OR6C74: variants seen among roughly 807,000 people sequenced by gnomAD.
OR6C74 encodes olfactory receptor 6C74.
For missense variants in OR6C74, 361 were observed against 362.9 expected (o/e 0.99, Z 0.04); for synonymous variants, 142 against 134.2 (o/e 1.06, Z -0.40).
In OR6C74 at chr12:55,245,010, T is replaced by C. The variant is rs137859828; in HGVS notation, c.-10+193T>C. On this transcript the variant is annotated intron_variant, in intron 1 of 1. Coordinates refer to ENST00000343399, the MANE Select transcript of OR6C74 (RefSeq NM_001005490.2). ...GGGAATGAAATTGCTACTAAATACA[T>C]TAAAGTTTGGAAAAAATTATGTCTT... 5.3e-3 allele frequency among the ~76,000 whole-genome samples: 807 copies of C among 152,230 alleles called. 2 individuals are homozygous for C. The highest frequency in any genetic ancestry group is 0.027 in the Middle Eastern group (8 of 294).
rs1195015543 is a variant in OR6C74 at position 55,250,910 on chromosome 12, G to C, written c.*2684G>C. 6.6e-6 allele frequency among the ~76,000 whole-genome samples: 1 copy of C among 151,932 alleles called. No individual in the cohort carries two copies. Among genetic ancestry groups the C allele is most frequent in the Non-Finnish European group, 1.5e-5 (1 of 67,960 alleles). On this transcript the variant is annotated 3_prime_UTR_variant, in exon 2 of 2. Transcript: ENST00000343399. Reference sequence around the variant, plus strand: ...AAGTATTAAGACAAGCTAGACTCAAGGTATGTCAATTGTCTATTACATAGC... The same window carrying C: ...AAGTATTAAGACAAGCTAGACTCAACGTATGTCAATTGTCTATTACATAGC...
Position 55,253,780 on chromosome 12 carries a change from A to G in OR6C74, c.*5554A>G, listed in dbSNP as rs1362668744. ...TGAAGGACACTAGCGGAAGATTTGG[A>G]TATTAATATGCATGACAGTTTTGCA... is the stretch of plus-strand genomic sequence containing the variant. On this transcript the variant is annotated 3_prime_UTR_variant, in exon 2 of 2. Coordinates refer to ENST00000343399, the MANE Select transcript of OR6C74 (RefSeq NM_001005490.2). Among the ~76,000 whole-genome samples the G allele has an allele frequency of 7.9e-5, 12 of 152,112 alleles. No homozygotes were observed. The highest frequency in any genetic ancestry group is 7.2e-4 in the Admixed American group (11 of 15,266).
In OR6C74 at chr12:55,247,965, A is replaced by G; in HGVS notation, c.678A>G (p.Ile226Met). ...YTNIIRTILK[I>M]PSSQQRKKAF... Reference sequence around the variant, plus strand: ...ATATTATCAGGACTATTCTGAAAATACCTTCTTCTCAACAGAGAAAAAAAG... The same window carrying G: ...ATATTATCAGGACTATTCTGAAAATGCCTTCTTCTCAACAGAGAAAAAAAG... Residue 226 changes from isoleucine to methionine, a missense_variant, in exon 2 of 2, where the codon ATA (isoleucine) becomes ATG (methionine). Transcript: ENST00000343399. 7 of 1,613,954 alleles carry G rather than the reference A, an allele frequency of 4.3e-6. No individual in the cohort carries two copies. The highest frequency in any genetic ancestry group is 5.9e-6 in the Non-Finnish European group (7 of 1,179,844).
chr12:55,251,628 TGA>T lies in OR6C74; in HGVS notation c.*3403_*3404del, dbSNP rs201486515. 7.2e-3 allele frequency among the ~76,000 whole-genome samples: 1,087 copies of T among 151,548 alleles called. 15 individuals are homozygous for T. Among genetic ancestry groups the T allele is most frequent in the East Asian group, 0.037 (191 of 5,154 alleles). On this transcript the variant is annotated 3_prime_UTR_variant, in exon 2 of 2. Transcript: ENST00000343399. ...AGATTGGACTTGATGACAGGCAATA[TGA>T]AAAAAAAATTAGGTGTTAGAAAACT...
At chr12:55,247,093 C>T (rs971351038) in intron 1 of OR6C74, 186 bp from the exon 2 acceptor site, 3 of 472,652 alleles carry the variant, frequency 6.3e-6, no homozygotes, top group Admixed American at 3.8e-5. Flanking sequence ...ACAGAACAAA[C>T]TCAAAAAGTT....
At position 55,247,741 on chromosome 12, in the gene OR6C74, C is replaced by T. The variant is rs1423158956; in HGVS notation, c.454C>T (p.Leu152=). 1 of 1,613,960 alleles carries T rather than the reference C, an allele frequency of 6.2e-7. No homozygotes were observed. The highest frequency in any genetic ancestry group is 8.5e-7 in the Non-Finnish European group (1 of 1,179,990). ...LVFASWMAGF[L]IIFPPLLMGL... ...CTTTGCTTCATGGATGGCTGGCTTC[C>T]TAATAATTTTTCCGCCACTCCTGAT... The change falls in exon 2 of 2, where the codon CTA becomes TTA. Residue 152 remains leucine (L), a synonymous_variant. Transcript: ENST00000343399.
chr12:55,252,819 A>G lies in OR6C74; in HGVS notation c.*4593A>G, dbSNP rs1246813271. Among the ~76,000 whole-genome samples, 3 of 152,028 alleles carry G rather than the reference A, an allele frequency of 2.0e-5. No individual in the cohort carries two copies. The highest frequency in any genetic ancestry group is 6.6e-5 in the Admixed American group (1 of 15,246). Reference sequence around the variant, plus strand: ...AAATAAAATTCCATAATTCTCTTCAATGTGTCTTTTAAAATACTTTACATA... The same window carrying G: ...AAATAAAATTCCATAATTCTCTTCAGTGTGTCTTTTAAAATACTTTACATA... On this transcript the variant is annotated 3_prime_UTR_variant, in exon 2 of 2. Coordinates refer to ENST00000343399, the MANE Select transcript of OR6C74 (RefSeq NM_001005490.2).
At position 55,254,189 on chromosome 12, in the gene OR6C74, C is replaced by T. The variant is rs1954328060; in HGVS notation, c.*5963C>T. ...AGCATCTTCCATCTTCATTTCAAAC[C>T]AGTGGTTACAATACTTTTTAAAGCT... On this transcript the variant is annotated 3_prime_UTR_variant, in exon 2 of 2. Coordinates refer to ENST00000343399, the MANE Select transcript of OR6C74 (RefSeq NM_001005490.2). 6.6e-6 allele frequency among the ~76,000 whole-genome samples: 1 copy of T among 152,032 alleles called. No homozygotes were observed. Among genetic ancestry groups the T allele is most frequent in the South Asian group, 2.1e-4 (1 of 4,822 alleles).
In OR6C74 at chr12:55,248,724, A is replaced by G. The variant is rs1183135206; in HGVS notation, c.*498A>G. Among the ~76,000 whole-genome samples, 2 of 152,190 alleles carry G rather than the reference A, an allele frequency of 1.3e-5. No individual in the cohort carries two copies. Among genetic ancestry groups the G allele is most frequent in the Non-Finnish European group, 2.9e-5 (2 of 68,032 alleles). On this transcript the variant is annotated 3_prime_UTR_variant, in exon 2 of 2. Transcript: ENST00000343399. ...GGCATTTCTTTAATTACACAGTTTA[A>G]TAGCTTCAATTTTTTTTAACCAGGC...
chr12:55,249,142 T>A lies in OR6C74; in HGVS notation c.*916T>A, dbSNP rs114828738. ...GACCTTTGTAGAACATTCTATAGAT[T>A]TATGGATGTCATAGATAAAATTAAG... On this transcript the variant is annotated 3_prime_UTR_variant, in exon 2 of 2. Coordinates refer to ENST00000343399, the MANE Select transcript of OR6C74 (RefSeq NM_001005490.2). Among the ~76,000 whole-genome samples, 1,092 of 152,268 alleles carry A rather than the reference T, an allele frequency of 7.2e-3. 16 individuals are homozygous for A. Among genetic ancestry groups the A allele is most frequent in the East Asian group, 0.037 (193 of 5,186 alleles).
intron 1 of OR6C74, 60 bp from the exon 2 acceptor site, chr12:55,247,219 G>T: frequency 1.1e-6 from 1 of 896,648 alleles, no homozygotes; most frequent in Non-Finnish European, 1.7e-6. Context: ...AAGAAAAATG[G>T]GTATCTCATG....
rs751820154 is a variant in OR6C74 at position 55,253,805 on chromosome 12, A to G, written c.*5579A>G. Among the ~76,000 whole-genome samples, 3 of 152,098 alleles carry G rather than the reference A, an allele frequency of 2.0e-5. No individual in the cohort carries two copies. The highest frequency in any genetic ancestry group is 4.4e-5 in the Non-Finnish European group (3 of 67,974). On this transcript the variant is annotated 3_prime_UTR_variant, in exon 2 of 2. Transcript: ENST00000343399. ...ATATTAATATGCATGACAGTTTTGC[A>G]AAGACAACTTTCTTCATGGGTTCTG... is the stretch of plus-strand genomic sequence containing the variant.
At position 55,250,257 on chromosome 12, in the gene OR6C74, A is replaced by G. The variant is rs1565648243; in HGVS notation, c.*2031A>G. On this transcript the variant is annotated 3_prime_UTR_variant, in exon 2 of 2. Transcript: ENST00000343399. ...ATTACATTGCTTACTTTTAAAACTT[A>G]TTCTTTATACATGAACTCTAAGCTC... Among the ~76,000 whole-genome samples the G allele has an allele frequency of 6.6e-6, 1 of 152,176 alleles. No individual in the cohort carries two copies. Among genetic ancestry groups the G allele is most frequent in the African/African-American group, 2.4e-5 (1 of 41,452 alleles).
rs1954318024 is a variant in OR6C74, at chr12:55,252,531, T to C, written c.*4305T>C. 1.3e-5 allele frequency among the ~76,000 whole-genome samples: 2 copies of C among 151,996 alleles called. No homozygotes were observed. The highest frequency in any genetic ancestry group is 6.6e-5 in the Admixed American group (1 of 15,250). Reference sequence around the variant, plus strand: ...ATTAAAATGATTATGTTTTCAAGTTTTCTAATGAGTAGATGAGTATTTTTA... The same window carrying C: ...ATTAAAATGATTATGTTTTCAAGTTCTCTAATGAGTAGATGAGTATTTTTA... On this transcript the variant is annotated 3_prime_UTR_variant, in exon 2 of 2. Transcript: ENST00000343399.
chr12:55,247,541 C>T lies in OR6C74; in HGVS notation c.254C>T (p.Thr85Ile). 1 of 1,613,316 alleles carries T rather than the reference C, an allele frequency of 6.2e-7. No homozygotes were observed. Among genetic ancestry groups the T allele is most frequent in the Non-Finnish European group, 8.5e-7 (1 of 1,179,594 alleles). Residue 85 changes from threonine to isoleucine, a missense_variant, in exon 2 of 2, where the codon ACA (threonine) becomes ATA (isoleucine). Thr to Ile is a moderately conservative substitution (Grantham distance 89, BLOSUM62 -1). Coordinates refer to ENST00000343399, the MANE Select transcript of OR6C74 (RefSeq NM_001005490.2). ...CCCAAATTTCTTGTTAGTATGGCAA[C>T]AGGTGATAAGACCATTTCTTACAAC... is the stretch of plus-strand genomic sequence containing the variant. ...YIPKFLVSMATGDKTISYNDC... is the reference protein window; with the variant it reads ...YIPKFLVSMAIGDKTISYNDC...
chr12:55,244,706 A>G lies in OR6C74; in HGVS notation c.-121A>G, dbSNP rs1278601180. ...ATTATATATACACATATATGTATAT[A>G]TAGAAGAGATATGATAAACATAGAG... On this transcript the variant is annotated 5_prime_UTR_variant, in exon 1 of 2. It adds an upstream start codon to the 5' untranslated region. Transcript: ENST00000343399. 6.8e-6 allele frequency among the ~76,000 whole-genome samples: 1 copy of G among 147,300 alleles called. No individual in the cohort carries two copies. The highest frequency in any genetic ancestry group is 1.5e-5 in the Non-Finnish European group (1 of 65,486).
rs759777556 is a variant in OR6C74, at chr12:55,248,172, A to G, written c.885A>G (p.Val295=). 2.5e-6 allele frequency: 4 copies of G among 1,613,344 alleles called. No homozygotes were observed. The highest frequency in any genetic ancestry group is 2.5e-6 in the Non-Finnish European group (3 of 1,179,616). Residue 295 remains valine, a synonymous_variant, in exon 2 of 2, where the codon GTA becomes GTG. Transcript: ENST00000343399. The part of the protein sequence containing the change: ...PFIYTLRNKQ[V]KDVFKHTVKK... ...TTTATACACTGAGAAACAAACAAGT[A>G]AAAGATGTTTTTAAGCACACAGTCA...
At chr12:55,245,997 T>C (rs1173349751) in intron 1 of OR6C74, among the ~76,000 whole-genome samples, 2 of 152,174 alleles carry the variant, frequency 1.3e-5, no homozygotes, top group African/African-American at 4.8e-5. Context: ...CTGGAAATGC[T>C]TGTGTATGTG....
rs1462370589 is a variant in OR6C74 at position 55,255,065 on chromosome 12, C to T, written c.*6839C>T. On this transcript the variant is annotated 3_prime_UTR_variant, in exon 2 of 2. Coordinates refer to ENST00000343399, the MANE Select transcript of OR6C74 (RefSeq NM_001005490.2). Reference sequence around the variant, plus strand: ...GCCTTGAAAGATCGAAATAATACCTCCCTCCAGGGCAGAAGGGAGATTTGC... The same window carrying T: ...GCCTTGAAAGATCGAAATAATACCTTCCTCCAGGGCAGAAGGGAGATTTGC... 6.6e-6 allele frequency among the ~76,000 whole-genome samples: 1 copy of T among 152,136 alleles called. No individual in the cohort carries two copies. The highest frequency in any genetic ancestry group is 2.1e-4 in the South Asian group (1 of 4,826).
Sources: allele counts gnomAD v4.1 joint callset (sites outside exome capture counted in the v4.1 genomes callset), GRCh38; gene constraint gnomAD v4.1.1; transcripts MANE v1.5; gene names NCBI Gene and HGNC (gene_info 2026-07-23, HGNC 2026-07-21).